Variants in BMP8A observed in about 807,000 individuals in gnomAD.
BMP8A encodes the protein bone morphogenetic protein 8a.
A neutral mutation model predicts 36.8 loss-of-function variants in BMP8A; 14 were observed. That is an observed-to-expected ratio of 0.38 (90% CI 0.25 to 0.60). BMP8A has a LOEUF of 0.60. BMP8A is among the 20% of genes least tolerant of loss of function. The probability of loss-of-function intolerance (pLI) is 0.63; values close to 1 mark genes in which losing one functional copy is unlikely to be tolerated. For synonymous variants in BMP8A, 120 were observed against 237.7 expected (o/e 0.50, Z 4.55); for missense variants, 267 against 551.1 (o/e 0.48, Z 5.16).
chr1:39,492,311 G>C lies in BMP8A; in HGVS notation c.320G>C (p.Ser107Thr), dbSNP rs1557682810. 1.3e-6 allele frequency: 2 copies of C among 1,561,916 alleles called. No individual in the cohort carries two copies. The highest frequency in any genetic ancestry group is 8.6e-7 in the Non-Finnish European group (1 of 1,165,348). The change falls in exon 1 of 7, where the codon AGC becomes ACC. Residue 107 changes from serine to threonine, a missense_variant. By Grantham distance (58) the Ser-to-Thr change is moderately conservative (BLOSUM62 1). Coordinates refer to ENST00000331593, the MANE Select transcript of BMP8A (RefSeq NM_181809.4). ...QRLGRADLVM[S>T]FVNMVERDRA... ...CTGGGCCGCGCCGACCTGGTCATGA[G>C]CTTCGTCAACATGGGTGAGTGCGGC...
At chr1:39,523,486 C>G (rs1025736932) in intron 6 of BMP8A, 12 of 1,304,322 alleles carry the variant, frequency 9.2e-6, no homozygotes, top group Middle Eastern at 2.8e-4. Flanking sequence ...CACACGGGCC[C>G]CCGAGTACGC....
Position 39,492,140 on chromosome 1 carries a change from C to G in BMP8A, c.149C>G (p.Ala50Gly). ...CGGGACGTGCAGCGCGAGATCCTGG[C>G]GGTGCTCGGGCTACCCGGGCGGCCC... ...ERRDVQREIL[A>G]VLGLPGRPRP... Residue 50 changes from alanine (A) to glycine (G), a missense_variant, in exon 1 of 7, where the codon GCG becomes GGG. Physicochemically the swap from Ala to Gly is moderately conservative, Grantham distance 60 (BLOSUM62 0). Around this residue, in one of 7 missense-constraint regions of BMP8A, gnomAD observed 56 missense variants for 74.1 expected, o/e 0.76. Transcript: ENST00000331593. The G allele has an allele frequency of 3.2e-6, 4 of 1,255,374 alleles. 1 individual carries two copies. The South Asian group carries it at 1.1e-4, about 35-fold the overall frequency. 77.8% of individuals were successfully genotyped at this position (1,255,374 alleles called of 1,614,324 possible).
chr1:39,499,406 GC>G (rs1645234526), intron 1 of BMP8A, among the ~76,000 whole-genome samples: 1 of 152,278 alleles, frequency 6.6e-6, no homozygotes, highest in South Asian at 2.1e-4. Context: ...CAGGTCACAG[GC>G]CACAGGATTC....
At position 39,527,525 on chromosome 1, in the gene BMP8A, G is replaced by A. The variant is rs1001460371; in HGVS notation, c.*1727G>A. Among the ~76,000 whole-genome samples, 16 of 152,216 alleles carry A rather than the reference G, an allele frequency of 1.1e-4. No individual in the cohort carries two copies. The highest frequency in any genetic ancestry group is 2.2e-4 in the Non-Finnish European group (15 of 68,044). On this transcript the variant is annotated 3_prime_UTR_variant, in exon 7 of 7. Transcript: ENST00000331593. ...GCACCCCCAGGGAGGGGCCTGGGGA[G>A]AGCTGGTCCAGCAGCAGGGGTGGAG...
intron 1 of BMP8A, among the ~76,000 whole-genome samples, chr1:39,495,050 C>G (rs1417103575): frequency 1.3e-5 from 2 of 152,132 alleles, no homozygotes; most frequent in South Asian, 2.1e-4. Flanking sequence ...AGACACGTAC[C>G]AGGATGCTCT....
At chr1:39,494,477 A>C (rs1215692452) in intron 1 of BMP8A, among the ~76,000 whole-genome samples, 2 of 151,072 alleles carry the variant, frequency 1.3e-5, no homozygotes, top group African/African-American at 4.9e-5. Context: ...CAGCCTCCCC[A>C]GTAGCTAGGG....
chr1:39,522,601 T>A, intron 5 of BMP8A, 119 bp downstream of exon 5: 3 of 1,284,604 alleles, frequency 2.3e-6, no homozygotes, highest in Non-Finnish European at 3.2e-6. Flanking sequence ...TTTTTTCTTC[T>A]GTGTTTTCCA....
chr1:39,523,186 C>T, intron 6 of BMP8A, 69 bp downstream of exon 6: 1 of 1,559,764 alleles, frequency 6.4e-7, no homozygotes, highest in Non-Finnish European at 8.8e-7. Context: ...TCTGGTCCAG[C>T]CAGCCGGGAG....
At chr1:39,523,398 T>C (rs113941634) in intron 6 of BMP8A, among the ~76,000 whole-genome samples, 33 of 152,330 alleles carry the variant, frequency 2.2e-4, no homozygotes, top group African/African-American at 7.2e-4. Flanking sequence ...GTGGGACACT[T>C]ACACACCTGC....
chr1:39,501,364 CT>C (rs1288014071), intron 1 of BMP8A, among the ~76,000 whole-genome samples: 1 of 152,142 alleles, frequency 6.6e-6, no homozygotes, highest in Admixed American at 6.5e-5. Flanking sequence ...GTTCACCTTG[CT>C]TTTTTCTTTT....
intron 1 of BMP8A, among the ~76,000 whole-genome samples, chr1:39,507,143 C>A (rs929505147): frequency 7.9e-5 from 12 of 152,290 alleles, no homozygotes; most frequent in African/African-American, 2.9e-4. Context: ...TTCAGGGCCA[C>A]CATAGAGAGA....
chr1:39,496,752 C>A (rs1645208439), intron 1 of BMP8A, among the ~76,000 whole-genome samples: 1 of 152,208 alleles, frequency 6.6e-6, no homozygotes, highest in Non-Finnish European at 1.5e-5. Flanking sequence ...TGCCTCCACC[C>A]CAGGCCAGGT....
intron 3 of BMP8A, chr1:39,514,828 G>A (rs964946137): frequency 1.7e-6 from 2 of 1,193,500 alleles, no homozygotes. Flanking sequence ...TAGAGCCTGC[G>A]CCTGGCCGGG....
At chr1:39,503,490 A>T (rs958500262) in intron 1 of BMP8A, among the ~76,000 whole-genome samples, 1 of 148,616 alleles carries the variant, frequency 6.7e-6, no homozygotes, top group Non-Finnish European at 1.5e-5. Context: ...GCATAGTGGC[A>T]TTATGCTTAC....
At position 39,500,968 on chromosome 1, in the gene BMP8A, T is replaced by C. The variant is rs139427476; in HGVS notation, c.334+8643T>C. 9.1e-3 allele frequency among the ~76,000 whole-genome samples: 1,392 copies of C among 152,312 alleles called. 13 individuals are homozygous for C. Among genetic ancestry groups the C allele is most frequent in the Middle Eastern group, 0.031 (9 of 294 alleles). The stretch of plus-strand genomic sequence containing the variant: ...CACGCCCAGCCGAAAACAGGTTTAT[T>C]TGGCATACAATTCTAGTGGCTGAAA... On this transcript the variant is annotated intron_variant, in intron 1 of 6. Transcript: ENST00000331593.
chr1:39,510,647 T>C (rs1645345341), intron 1 of BMP8A, among the ~76,000 whole-genome samples: 1 of 151,966 alleles, frequency 6.6e-6, no homozygotes, highest in Non-Finnish European at 1.5e-5. Flanking sequence ...CCAGCTCAGC[T>C]GTCAGCCCTG....
chr1:39,522,102 A>C (rs1223317199), intron 4 of BMP8A, among the ~76,000 whole-genome samples: 6 of 133,884 alleles, frequency 4.5e-5, no homozygotes, highest in Admixed American at 8.2e-5. Flanking sequence ...AGAGAGGAGG[A>C]GGCACAGGAT....
chr1:39,504,361 A>G (rs1645280286), intron 1 of BMP8A, among the ~76,000 whole-genome samples: 1 of 152,228 alleles, frequency 6.6e-6, no homozygotes, highest in South Asian at 2.1e-4. Flanking sequence ...TGGCAGGACT[A>G]TAGGGTAATG....
intron 1 of BMP8A, 122 bp from the exon 2 acceptor site, chr1:39,511,052 G>A (rs1645349763): frequency 2.8e-6 from 4 of 1,445,986 alleles, no homozygotes; most frequent in Admixed American, 2.1e-5. Flanking sequence ...CCCCACCCAG[G>A]CCTCCCTGGG....
Sources: allele counts gnomAD v4.1 joint callset (sites outside exome capture counted in the v4.1 genomes callset), GRCh38; gene constraint gnomAD v4.1.1; regional missense constraint gnomAD v4.1.1; transcripts MANE v1.5; gene names NCBI Gene and HGNC (gene_info 2026-07-23, HGNC 2026-07-21).